BLNK: variants seen among roughly 807,000 people sequenced by gnomAD.
BLNK encodes B cell linker, also known as B-cell linker protein.
A neutral mutation model predicts 73.5 loss-of-function variants in BLNK; 29 were observed. That is an observed-to-expected ratio of 0.39 (90% CI 0.29 to 0.54). The LOEUF is 0.54. BLNK is among the 20% of genes least tolerant of loss of function. The pLI, the probability that BLNK is intolerant of heterozygous loss-of-function variation, is 0.61. For synonymous variants in BLNK, 176 were observed against 200.8 expected, an observed-to-expected ratio of 0.88 and a Z score of 1.04; for missense variants, 460 against 562.8, an observed-to-expected ratio of 0.82 and a Z score of 1.85.
chr10:96,204,769 C>A, intron 11 of BLNK, 153 bp from the exon 12 acceptor site: 1 of 687,264 alleles, frequency 1.5e-6, no homozygotes, highest in South Asian at 1.6e-5. Context: ...TGTGCACTTG[C>A]CAGTCTGTTG....
At chr10:96,199,611 T>A in intron 15 of BLNK, 1 of 440,270 alleles carries the variant, frequency 2.3e-6, no homozygotes, top group Admixed American at 2.5e-5. Flanking sequence ...TTCTCTTGAG[T>A]AAGTAAAGGA....
chr10:96,228,967 G>GTA (rs35240613), intron 4 of BLNK, among the ~76,000 whole-genome samples: 41,418 of 151,020 alleles, frequency 0.27, 6,230 homozygotes, highest in Middle Eastern at 0.35. Context: ...TACATAGTAG[G>GTA]TATATATATA....
intron 1 of BLNK, among the ~76,000 whole-genome samples, chr10:96,263,325 C>A (rs1554913457): frequency 6.6e-6 from 1 of 152,210 alleles, no homozygotes; most frequent in African/African-American, 2.4e-5. Context: ...GGAAGGGAAT[C>A]TGGAGTAGGT....
At chr10:96,206,131 G>T (rs1298282425) in intron 11 of BLNK, among the ~76,000 whole-genome samples, 1 of 152,170 alleles carries the variant, frequency 6.6e-6, no homozygotes, top group Non-Finnish European at 1.5e-5. Flanking sequence ...GAGGTGAGTT[G>T]TAGTGCATGC....
At chr10:96,230,746 C>T (rs1842466823) in intron 4 of BLNK, 48 bp downstream of exon 4, 19 of 1,581,772 alleles carry the variant, frequency 1.2e-5, no homozygotes, top group Non-Finnish European at 1.5e-5. Context: ...TTCAAAAGGC[C>T]TCCCATGGGA....
At chr10:96,259,031 G>C (rs1554911937) in intron 1 of BLNK, among the ~76,000 whole-genome samples, 1 of 152,242 alleles carries the variant, frequency 6.6e-6, no homozygotes, top group African/African-American at 2.4e-5. Flanking sequence ...AAGTGATAGA[G>C]CTGGAATTCA....
intron 1 of BLNK, among the ~76,000 whole-genome samples, chr10:96,261,160 G>C (rs1253093622): frequency 1.3e-5 from 2 of 151,932 alleles, no homozygotes; most frequent in Non-Finnish European, 2.9e-5. Flanking sequence ...TATCTAGTGG[G>C]TCAAAAAAAT....
chr10:96,260,019 T>C (rs559063668), intron 1 of BLNK, among the ~76,000 whole-genome samples: 1 of 152,198 alleles, frequency 6.6e-6, no homozygotes, highest in Admixed American at 6.5e-5. Context: ...TCTCTGACTT[T>C]AGGGGCCAGT....
intron 1 of BLNK, among the ~76,000 whole-genome samples, chr10:96,256,559 T>C (rs1236678903): frequency 6.6e-6 from 1 of 151,960 alleles, no homozygotes; most frequent in Non-Finnish European, 1.5e-5. Context: ...AACAGCTATA[T>C]GATAGAAAAT....
At chr10:96,216,581 A>G in intron 7 of BLNK, 72 bp downstream of exon 7, 1 of 1,307,192 alleles carries the variant, frequency 7.6e-7, no homozygotes, top group South Asian at 1.2e-5. Flanking sequence ...CTTAGTGCTT[A>G]CTACCAAATA....
chr10:96,223,684 C>G, intron 6 of BLNK, 142 bp downstream of exon 6: 1 of 1,007,902 alleles, frequency 9.9e-7, no homozygotes, highest in Non-Finnish European at 1.5e-6. Context: ...AACCAAGTCC[C>G]TTTGGTATAA....
chr10:96,242,978 ATC>A (rs1842925548), intron 2 of BLNK, among the ~76,000 whole-genome samples, 194 bp from the exon 3 acceptor site: 1 of 152,180 alleles, frequency 6.6e-6, no homozygotes, highest in Non-Finnish European at 1.5e-5. Flanking sequence ...ACCTCTCCCC[ATC>A]TCCCCAGTGC....
At chr10:96,244,472 G>T (rs186646376) in intron 2 of BLNK, among the ~76,000 whole-genome samples, 2 of 152,310 alleles carry the variant, frequency 1.3e-5, no homozygotes, top group East Asian at 3.9e-4. Flanking sequence ...TTGCTCTGTA[G>T]CTGGCTGCTG....
chr10:96,261,370 A>G (rs1315055995), intron 1 of BLNK, among the ~76,000 whole-genome samples: 10 of 152,230 alleles, frequency 6.6e-5, no homozygotes, highest in Admixed American at 5.2e-4. Flanking sequence ...GAATATTTTC[A>G]TCACCCCTAA....
intron 1 of BLNK, among the ~76,000 whole-genome samples, chr10:96,266,272 G>T (rs1288991650): frequency 6.6e-6 from 1 of 152,322 alleles, no homozygotes; most frequent in Non-Finnish European, 1.5e-5. Context: ...TAATCTAGGA[G>T]GCAGGGCTGG....
intron 1 of BLNK, among the ~76,000 whole-genome samples, chr10:96,262,631 TA>T (rs1843810016): frequency 6.6e-6 from 1 of 152,168 alleles, no homozygotes; most frequent in African/African-American, 2.4e-5. Flanking sequence ...GGTCTGTATA[TA>T]AGACCAGCTC....
intron 1 of BLNK, among the ~76,000 whole-genome samples, chr10:96,259,418 T>G (rs1721713838): frequency 6.6e-6 from 1 of 152,078 alleles, no homozygotes; most frequent in Admixed American, 6.5e-5. Flanking sequence ...CAGGAGGGAA[T>G]GCGGTAGCGG....
chr10:96,270,203 A>T (rs1277758399), intron 1 of BLNK, among the ~76,000 whole-genome samples: 2 of 152,160 alleles, frequency 1.3e-5, no homozygotes, highest in African/African-American at 4.8e-5. Context: ...CAGATCATTG[A>T]TGCATTTCAC....
chr10:96,270,562 T>C (rs1414192709), intron 1 of BLNK, among the ~76,000 whole-genome samples: 1 of 151,672 alleles, frequency 6.6e-6, no homozygotes, highest in South Asian at 2.1e-4. Context: ...TGTATACCTA[T>C]GTAACAAACC....
Sources: allele counts gnomAD v4.1 joint callset (sites outside exome capture counted in the v4.1 genomes callset), GRCh38; gene constraint gnomAD v4.1.1; transcripts MANE v1.5; gene names NCBI Gene and HGNC (gene_info 2026-07-23, HGNC 2026-07-21).